Variants in FHIT observed in about 807,000 individuals in gnomAD.
FHIT encodes fragile histidine triad diadenosine triphosphatase.
Under a neutral mutation model 17.9 loss-of-function variants are expected in FHIT, and 19 were observed. The ratio of observed to expected loss-of-function variants is 1.06; its 90% CI spans 0.74 to 1.56. The LOEUF is 1.56. Among genes scored for constraint, FHIT ranks in the 40% most tolerant of loss-of-function variants. The pLI is 0.00. For missense variants in FHIT, 248 were observed against 189.2 expected (o/e 1.31, Z -1.82); for synonymous variants, 81 against 69.7 (o/e 1.16, Z -0.81).
chr3:59,838,633 T>A (rs1575572112), intron 8 of FHIT, among the ~76,000 whole-genome samples: 1 of 152,324 alleles, frequency 6.6e-6, no homozygotes, highest in South Asian at 2.1e-4. Context: ...TGGGCTCATA[T>A]GCCAGCTCCA....
intron 5 of FHIT, among the ~76,000 whole-genome samples, chr3:60,102,937 G>A (rs565683050): frequency 2.5e-4 from 38 of 152,304 alleles, no homozygotes; most frequent in African/African-American, 8.7e-4. Context: ...TTGCGAAGGT[G>A]CCATATGGGG....
intron 7 of FHIT, among the ~76,000 whole-genome samples, chr3:59,986,276 T>A (rs1178725317): frequency 1.3e-5 from 2 of 151,346 alleles, no homozygotes; most frequent in Non-Finnish European, 2.9e-5. Context: ...GAGTAAACTG[T>A]CCAAATAAAA....
intron 7 of FHIT, among the ~76,000 whole-genome samples, chr3:59,934,219 A>C (rs1172212325): frequency 6.6e-6 from 1 of 152,142 alleles, no homozygotes; most frequent in Non-Finnish European, 1.5e-5. Context: ...ATATAATCCA[A>C]ATTATTATCA....
intron 5 of FHIT, among the ~76,000 whole-genome samples, chr3:60,264,891 G>GC (rs1559772407): frequency 6.6e-6 from 1 of 150,812 alleles, no homozygotes; most frequent in Non-Finnish European, 1.5e-5. Flanking sequence ...TTTTCTAATT[G>GC]CCCCCCTGAA....
intron 3 of FHIT, among the ~76,000 whole-genome samples, chr3:60,988,871 G>A (rs1258785386): frequency 8.0e-6 from 1 of 125,276 alleles, no homozygotes; most frequent in Non-Finnish European, 1.6e-5. Flanking sequence ...AATGCACTGT[G>A]TAGAATATAA....
chr3:60,785,858 T>C lies in FHIT; in HGVS notation c.-18+36061A>G, dbSNP rs1199555999. Among the ~76,000 whole-genome samples the C allele has an allele frequency of 1.1e-4, 16 of 150,708 alleles. No individual in the cohort carries two copies. In the East Asian group the frequency reaches 2.8e-3, roughly 26 times the overall value. On this transcript the variant is annotated intron_variant, in intron 4 of 9. Coordinates refer to ENST00000492590, the MANE Select transcript of FHIT (RefSeq NM_002012.4). ...TTCCCTCCAGGAGCAAACAGCTTCA[T>C]GCTAGAAATAAAGCTAACTCAAATG...
chr3:60,955,613 T>TATACATATATATATATAC (rs1209887151), intron 3 of FHIT, among the ~76,000 whole-genome samples: 11 of 13,318 alleles, frequency 8.3e-4, no homozygotes, highest in African/African-American at 1.1e-3. Context: ...TATATATATA[T>TATACATATATATATATAC]ATATATATAT....
chr3:60,442,605 G>T (rs2030986692), intron 5 of FHIT, among the ~76,000 whole-genome samples: 1 of 152,062 alleles, frequency 6.6e-6, no homozygotes. Context: ...TTATTTCTGA[G>T]GGCTCTGTCC....
intron 5 of FHIT, among the ~76,000 whole-genome samples, chr3:60,188,936 A>G (rs1702279454): frequency 6.6e-6 from 1 of 152,136 alleles, no homozygotes; most frequent in Admixed American, 6.5e-5. Context: ...TATTCATCTA[A>G]AAGAAGGACA....
At chr3:60,476,828 T>C (rs529454568) in intron 5 of FHIT, among the ~76,000 whole-genome samples, 1 of 148,710 alleles carries the variant, frequency 6.7e-6, no homozygotes, top group Admixed American at 6.8e-5. Context: ...TTTGGTCTCG[T>C]CCTGGACACC....
At chr3:60,912,228 G>T (rs1706782916) in intron 3 of FHIT, among the ~76,000 whole-genome samples, 1 of 152,158 alleles carries the variant, frequency 6.6e-6, no homozygotes, top group South Asian at 2.1e-4. Flanking sequence ...TAATCTGAAG[G>T]CCTGAAGCTC....
chr3:59,991,460 T>A (rs1395297257), intron 7 of FHIT, among the ~76,000 whole-genome samples: 1 of 151,992 alleles, frequency 6.6e-6, no homozygotes, highest in Non-Finnish European at 1.5e-5. Flanking sequence ...GCCAGTGGGG[T>A]CTTGTATTCA....
At chr3:60,718,426 C>A (rs1173133186) in intron 4 of FHIT, among the ~76,000 whole-genome samples, 3 of 152,202 alleles carry the variant, frequency 2.0e-5, no homozygotes, top group Non-Finnish European at 4.4e-5. Flanking sequence ...CAACTCACCC[C>A]TTCCAGACAA....
At chr3:60,621,018 G>A (rs1358572031) in intron 4 of FHIT, among the ~76,000 whole-genome samples, 2 of 152,048 alleles carry the variant, frequency 1.3e-5, no homozygotes, top group African/African-American at 4.8e-5. Context: ...TATAAAAAAT[G>A]TCAAACCACT....
intron 5 of FHIT, among the ~76,000 whole-genome samples, chr3:60,054,175 A>G (rs578106608): frequency 9.2e-5 from 14 of 152,320 alleles, no homozygotes; most frequent in Admixed American, 2.0e-4. Flanking sequence ...AAAGTTTTGG[A>G]TTAGATTCAA....
intron 3 of FHIT, among the ~76,000 whole-genome samples, chr3:61,027,192 T>G (rs769144752): frequency 2.0e-5 from 3 of 152,134 alleles, no homozygotes; most frequent in Non-Finnish European, 2.9e-5. Flanking sequence ...GTTCAAGTGA[T>G]TCTCCTACCT....
chr3:60,084,113 A>G (rs193281084), intron 5 of FHIT, among the ~76,000 whole-genome samples: 1 of 152,290 alleles, frequency 6.6e-6, no homozygotes, highest in Admixed American at 6.5e-5. Flanking sequence ...ATAATGTTGT[A>G]TAAGGATTCA....
chr3:60,985,754 C>T (rs755141332), intron 3 of FHIT, among the ~76,000 whole-genome samples: 4 of 152,216 alleles, frequency 2.6e-5, no homozygotes, highest in Non-Finnish European at 4.4e-5. Flanking sequence ...TAGCTTCCTC[C>T]TGTTGCTGTA....
At chr3:60,231,626 A>G (rs1481888087) in intron 5 of FHIT, among the ~76,000 whole-genome samples, 3 of 152,198 alleles carry the variant, frequency 2.0e-5, no homozygotes, top group Non-Finnish European at 4.4e-5. Flanking sequence ...GCCTTATAGA[A>G]TAACTAATCC....
Sources: allele counts gnomAD v4.1 joint callset (sites outside exome capture counted in the v4.1 genomes callset), GRCh38; gene constraint gnomAD v4.1.1; transcripts MANE v1.5; gene names NCBI Gene and HGNC (gene_info 2026-07-23, HGNC 2026-07-21).